The following APP variants were observed in gnomAD, a reference collection of about 807,000 sequenced individuals.
APP encodes amyloid beta precursor protein, also known as amyloid-beta precursor protein.
A neutral mutation model predicts 101.4 loss-of-function variants in APP; 31 were observed. The ratio of observed to expected loss-of-function variants is 0.31; its 90% CI spans 0.23 to 0.41. The LOEUF is 0.41. APP is among the 10% of genes least tolerant of loss of function. APP has a pLI of 1.00. For synonymous variants in APP, 366 were observed against 364.4 expected (o/e 1.00, Z -0.05); for missense variants, 839 against 1,003.7 (o/e 0.84, Z 2.22).
At chr21:26,125,774 A>G (rs997012406) in intron 1 of APP, among the ~76,000 whole-genome samples, 4 of 152,226 alleles carry the variant, frequency 2.6e-5, no homozygotes, top group African/African-American at 9.6e-5. Flanking sequence ...GAGTTCTAAG[A>G]GTCAATCTGG....
chr21:26,008,814 T>G (rs2043652465), intron 6 of APP, among the ~76,000 whole-genome samples: 1 of 152,208 alleles, frequency 6.6e-6, no homozygotes. Flanking sequence ...GATTGCCTCA[T>G]ACTTGTTGGT....
chr21:26,062,162 A>T (rs1434742828), intron 3 of APP, among the ~76,000 whole-genome samples: 1 of 151,902 alleles, frequency 6.6e-6, no homozygotes, highest in Non-Finnish European at 1.5e-5. Flanking sequence ...GTGAGCCAAG[A>T]TCACACCACT....
At chr21:25,943,713 C>A (rs4817074) in intron 13 of APP, among the ~76,000 whole-genome samples, 1 of 152,094 alleles carries the variant, frequency 6.6e-6, no homozygotes, top group South Asian at 2.1e-4. Context: ...GGATTACAGG[C>A]GTGAGCCACT....
intron 5 of APP, among the ~76,000 whole-genome samples, chr21:26,043,703 C>T (rs2045476863): frequency 6.6e-6 from 1 of 152,210 alleles, no homozygotes; most frequent in African/African-American, 2.4e-5. Flanking sequence ...TTTCCTGCAT[C>T]AGGTTGTACA....
At chr21:26,117,597 G>A (rs186955677) in intron 1 of APP, among the ~76,000 whole-genome samples, 2 of 152,320 alleles carry the variant, frequency 1.3e-5, no homozygotes, top group Admixed American at 6.5e-5. Flanking sequence ...AACCTATTCC[G>A]TCAAGGGTTC....
chr21:26,033,343 A>G (rs7283774), intron 5 of APP, among the ~76,000 whole-genome samples: 9,164 of 152,232 alleles, frequency 0.06, 924 homozygotes, highest in African/African-American at 0.21. Context: ...CTGCCGCCTT[A>G]TGAAGAAGGA....
chr21:26,007,610 A>G (rs2043595435), intron 6 of APP, among the ~76,000 whole-genome samples: 3 of 151,838 alleles, frequency 2.0e-5, no homozygotes, highest in Middle Eastern at 3.4e-3. Context: ...TCTAAGTATT[A>G]CTACGTGGTG....
chr21:25,904,798 C>G (rs2038702455), intron 15 of APP, among the ~76,000 whole-genome samples: 1 of 150,798 alleles, frequency 6.6e-6, no homozygotes, highest in South Asian at 2.1e-4. Flanking sequence ...TTTTAGGTTT[C>G]AAAGGGAAAG....
At chr21:26,104,676 C>A (rs1346346290) in intron 2 of APP, among the ~76,000 whole-genome samples, 1 of 152,066 alleles carries the variant, frequency 6.6e-6, no homozygotes, top group Non-Finnish European at 1.5e-5. Flanking sequence ...ACACAAAATA[C>A]AAATTCAGAG....
At chr21:25,943,432 G>A (rs1402036028) in intron 13 of APP, among the ~76,000 whole-genome samples, 1 of 292 alleles carries the variant, frequency 3.4e-3, no homozygotes, top group African/African-American at 0.011. Flanking sequence ...GATTACAGGC[G>A]TGAGCACCGC....
Position 26,136,189 on chromosome 21 carries a change from GAAAGAAAGAAAGAAAAGA to G in APP, c.58-24061_58-24044del, listed in dbSNP as rs1180477380. ...GAAAGAAAAGAAAGAAAGAAAGAAA[GAAAGAAAGAAAGAAAAGA>G]AAAGAAAGAAAAGAAATAGTTTTGT... On this transcript the variant is annotated intron_variant, in intron 1 of 17. Coordinates refer to ENST00000346798, the MANE Select transcript of APP (RefSeq NM_000484.4). Among the ~76,000 whole-genome samples the G allele has an allele frequency of 1.6e-4, 13 of 81,654 alleles. No homozygotes were observed. The South Asian group carries it at 2.5e-3, about 16-fold the overall frequency. 53.6% of individuals were successfully genotyped at this position (81,654 alleles called of 152,430 possible). A position where few individuals can be genotyped will look rare whatever the true frequency, so the allele number is the denominator to read the frequency against.
intron 5 of APP, among the ~76,000 whole-genome samples, chr21:26,045,465 A>C (rs1241714232): frequency 6.6e-6 from 1 of 152,214 alleles, no homozygotes; most frequent in Non-Finnish European, 1.5e-5. Flanking sequence ...CAGAATAAAC[A>C]TGTGGGTTTA....
At chr21:25,968,739 A>G (rs1295955591) in intron 11 of APP, among the ~76,000 whole-genome samples, 1 of 152,196 alleles carries the variant, frequency 6.6e-6, no homozygotes, top group Non-Finnish European at 1.5e-5. Context: ...GCTTCAAAGA[A>G]ACTGAAAACA....
intron 6 of APP, among the ~76,000 whole-genome samples, chr21:26,013,310 C>G (rs1170031263): frequency 6.6e-6 from 1 of 152,092 alleles, no homozygotes; most frequent in East Asian, 1.9e-4. Flanking sequence ...AACAAAAACT[C>G]CATCTTAAAA....
intron 11 of APP, among the ~76,000 whole-genome samples, chr21:25,956,623 T>C (rs1569104622): frequency 6.6e-6 from 1 of 152,330 alleles, no homozygotes; most frequent in East Asian, 1.9e-4. Context: ...GGGAATAGAA[T>C]TTTGGTCATT....
chr21:25,905,203 G>A (rs2038726524), intron 14 of APP, 126 bp from the exon 15 acceptor site: 2 of 812,966 alleles, frequency 2.5e-6, no homozygotes, highest in South Asian at 2.9e-5. Context: ...AAAAGGAGCA[G>A]CCAGAAAAGA....
intron 3 of APP, among the ~76,000 whole-genome samples, chr21:26,058,085 T>G (rs2046114044): frequency 6.6e-6 from 1 of 152,204 alleles, no homozygotes; most frequent in African/African-American, 2.4e-5. Flanking sequence ...CATGATGCCA[T>G]CAGGGACCAG....
At chr21:26,144,673 A>T (rs2063118698) in intron 1 of APP, among the ~76,000 whole-genome samples, 1 of 152,254 alleles carries the variant, frequency 6.6e-6, no homozygotes, top group African/African-American at 2.4e-5. Flanking sequence ...AAATGCAGAA[A>T]ATATAACAGA....
At chr21:26,067,630 C>T (rs1208909414) in intron 3 of APP, among the ~76,000 whole-genome samples, 2 of 152,150 alleles carry the variant, frequency 1.3e-5, no homozygotes, top group Non-Finnish European at 2.9e-5. Context: ...CCATCATTAA[C>T]CCTATTGATC....
Sources: allele counts gnomAD v4.1 joint callset (sites outside exome capture counted in the v4.1 genomes callset), GRCh38; gene constraint gnomAD v4.1.1; transcripts MANE v1.5; gene names NCBI Gene and HGNC (gene_info 2026-07-23, HGNC 2026-07-21).